The following KCNC2 variants were observed in gnomAD, a reference collection of about 807,000 sequenced individuals.
The protein encoded by KCNC2 is potassium voltage-gated channel subfamily C member 2.
A neutral mutation model predicts 44.5 loss-of-function variants in KCNC2; 21 were observed. The observed-to-expected ratio is 0.47, with a 90% CI of 0.33 to 0.68. KCNC2 has a LOEUF of 0.68. Among genes scored for constraint, KCNC2 ranks in the 30% least tolerant of loss-of-function variants. KCNC2 has a pLI of 0.01. For synonymous variants in KCNC2, 391 were observed against 339.1 expected, an observed-to-expected ratio of 1.15 and a Z score of -1.68; for missense variants, 589 against 826.2, an observed-to-expected ratio of 0.71 and a Z score of 3.52.
intron 2 of KCNC2, among the ~76,000 whole-genome samples, chr12:75,061,247 A>T (rs1395969859): frequency 2.0e-5 from 3 of 152,188 alleles, no homozygotes; most frequent in Non-Finnish European, 4.4e-5. Context: ...ACTTTCCCCA[A>T]GTGGATTTTT....
chr12:75,102,488 C>G (rs1886447503), intron 2 of KCNC2, among the ~76,000 whole-genome samples: 1 of 152,044 alleles, frequency 6.6e-6, no homozygotes, highest in East Asian at 1.9e-4. Flanking sequence ...GCCAAGATGA[C>G]CCTCAATAAA....
chr12:75,159,194 A>G (rs558137460), intron 2 of KCNC2, among the ~76,000 whole-genome samples: 1 of 151,804 alleles, frequency 6.6e-6, no homozygotes, highest in Admixed American at 6.6e-5. Context: ...GGGGCAGCAA[A>G]CCACCACGGC....
At chr12:75,199,140 T>C (rs1003537725) in intron 2 of KCNC2, among the ~76,000 whole-genome samples, 2 of 151,884 alleles carry the variant, frequency 1.3e-5, no homozygotes, top group Non-Finnish European at 2.9e-5. Context: ...AAACACCTTT[T>C]ACTGCTAAGA....
intron 2 of KCNC2, among the ~76,000 whole-genome samples, chr12:75,067,499 A>G (rs1882953769): frequency 1.3e-5 from 2 of 152,330 alleles, no homozygotes; most frequent in South Asian, 4.1e-4. Context: ...ATGAAGAGAC[A>G]AGAATATGAG....
chr12:75,111,841 C>G (rs1465021615), intron 2 of KCNC2, among the ~76,000 whole-genome samples: 1 of 151,982 alleles, frequency 6.6e-6, no homozygotes, highest in African/African-American at 2.4e-5. Flanking sequence ...ATATAAACAG[C>G]TAACACAGTG....
chr12:75,159,762 A>C lies in KCNC2; in HGVS notation c.687+47535T>G, dbSNP rs79491295. 2.2e-3 allele frequency among the ~76,000 whole-genome samples: 330 copies of C among 152,008 alleles called. 1 individual carries two copies. The highest frequency in any genetic ancestry group is 7.3e-3 in the African/African-American group (304 of 41,530). The stretch of plus-strand genomic sequence containing the variant: ...CCTTCAAGGAGTTTTTTGTAACTAC[A>C]TATTGCAAGTTCACTCTGAGAGATT... On this transcript the variant is annotated intron_variant, in intron 2 of 4. Coordinates refer to ENST00000549446, the MANE Select transcript of KCNC2 (RefSeq NM_139137.4).
Position 75,186,048 on chromosome 12 carries a change from AAAATAAATAAAT to A in KCNC2, c.687+21237_687+21248del, listed in dbSNP as rs371301482. Among the ~76,000 whole-genome samples, 465 of 143,020 alleles carry A rather than the reference AAAATAAATAAAT, an allele frequency of 3.3e-3. 2 individuals carry two copies. The highest frequency in any genetic ancestry group is 5.2e-3 in the African/African-American group (201 of 38,302). The allele number at this position is 143,020 out of a possible 152,430, so 93.8% of individuals were successfully genotyped here. On this transcript the variant is annotated intron_variant, in intron 2 of 4. Transcript: ENST00000549446. ...GTGACAAGAGTGAAACTCTGTCTCA[AAAATAAATAAAT>A]AAATAAATAAATAAATAAATAAATA...
intron 2 of KCNC2, among the ~76,000 whole-genome samples, chr12:75,136,442 C>T (rs750703536): frequency 2.7e-4 from 41 of 151,582 alleles, no homozygotes; most frequent in Non-Finnish European, 4.4e-4. Flanking sequence ...GCTGGACTAA[C>T]CAAGAAAAAA....
chr12:75,144,347 T>C (rs1565889272), intron 2 of KCNC2, among the ~76,000 whole-genome samples: 1 of 152,206 alleles, frequency 6.6e-6, no homozygotes, highest in African/African-American at 2.4e-5. Flanking sequence ...GCAGATATAA[T>C]CAGTGAATTA....
chr12:75,058,011 A>T (rs1881928330), intron 2 of KCNC2, among the ~76,000 whole-genome samples: 1 of 151,984 alleles, frequency 6.6e-6, no homozygotes, highest in African/African-American at 2.4e-5. Flanking sequence ...ATTTTCTGGG[A>T]TACAAGAAAG....
At position 75,041,979 on chromosome 12, in the gene KCNC2, C is replaced by A; in HGVS notation, c.*1126G>T. 1.9e-6 allele frequency: 2 copies of A among 1,033,198 alleles called. No homozygotes were observed. Among genetic ancestry groups the A allele is most frequent in the Non-Finnish European group, 1.2e-6 (1 of 861,846 alleles). 64.0% of individuals were successfully genotyped at this position (1,033,198 alleles called of 1,614,324 possible). A position where few individuals can be genotyped will look rare whatever the true frequency, so the allele number is the denominator to read the frequency against. The stretch of plus-strand genomic sequence containing the variant: ...GACAGGGAGCTAAGACAGACAAGAA[C>A]AACATACAGGACAAAGCACCTGATT... On this transcript the variant is annotated 3_prime_UTR_variant, in exon 5 of 5. Transcript: ENST00000549446.
At chr12:75,074,010 G>T (rs17114576) in intron 2 of KCNC2, among the ~76,000 whole-genome samples, 3,643 of 152,012 alleles carry the variant, frequency 0.024, 143 homozygotes, top group African/African-American at 0.083. Flanking sequence ...TTTGCCTATT[G>T]TCTGCCTATT....
At chr12:75,079,150 T>G (rs974281165) in intron 2 of KCNC2, among the ~76,000 whole-genome samples, 1 of 152,142 alleles carries the variant, frequency 6.6e-6, no homozygotes, top group Non-Finnish European at 1.5e-5. Context: ...AAGAAAATTT[T>G]GTGGTGTTAT....
chr12:75,043,694 A>G, intron 4 of KCNC2: 2 of 1,390,018 alleles, frequency 1.4e-6, no homozygotes, highest in Non-Finnish European at 1.9e-6. Context: ...GTTTAAATGG[A>G]CAACTCTTTT....
At chr12:75,152,960 C>T (rs902944221) in intron 2 of KCNC2, among the ~76,000 whole-genome samples, 10 of 151,940 alleles carry the variant, frequency 6.6e-5, no homozygotes, top group Non-Finnish European at 8.8e-5. Context: ...ACTCAATTCA[C>T]CCAAAATGAC....
At chr12:75,147,438 A>G (rs764801348) in intron 2 of KCNC2, among the ~76,000 whole-genome samples, 1 of 152,204 alleles carries the variant, frequency 6.6e-6, no homozygotes, top group South Asian at 2.1e-4. Flanking sequence ...CACTAGACCA[A>G]CTTACGACCT....
intron 2 of KCNC2, among the ~76,000 whole-genome samples, chr12:75,064,889 C>T (rs931129204): frequency 4.0e-5 from 6 of 151,886 alleles, no homozygotes; most frequent in African/African-American, 7.2e-5. Context: ...CAAGAAAAAT[C>T]GTTTAGTATG....
intron 2 of KCNC2, among the ~76,000 whole-genome samples, chr12:75,167,832 G>A (rs1041419931): frequency 1.5e-4 from 23 of 151,006 alleles, no homozygotes; most frequent in African/African-American, 5.6e-4. Context: ...TTGAATCATG[G>A]TTGTATGTAT....
chr12:75,045,396 C>T (rs1880374172), intron 4 of KCNC2, among the ~76,000 whole-genome samples: 2 of 151,898 alleles, frequency 1.3e-5, no homozygotes, highest in South Asian at 4.1e-4. Flanking sequence ...TTTCTAATGA[C>T]TATAATTTCA....
Sources: allele counts gnomAD v4.1 joint callset (sites outside exome capture counted in the v4.1 genomes callset), GRCh38; gene constraint gnomAD v4.1.1; transcripts MANE v1.5; gene names NCBI Gene and HGNC (gene_info 2026-07-23, HGNC 2026-07-21).